Variants in ATP6V0D1 observed in about 807,000 individuals in gnomAD.
ATP6V0D1 encodes the protein ATPase H+ transporting V0 subunit d1.
ATP6V0D1 carries 13 observed loss-of-function variants against 39.0 expected under a neutral mutation model. The observed-to-expected ratio is 0.33, with a 90% CI of 0.22 to 0.53. The LOEUF is 0.53. ATP6V0D1 is among the 20% of genes least tolerant of loss of function. ATP6V0D1 has a pLI of 0.94. For synonymous variants in ATP6V0D1, 191 were observed against 191.2 expected (o/e 1.00, Z 0.01); for missense variants, 272 against 470.9 (o/e 0.58, Z 3.91).
chr16:67,440,523 G>A (rs2041037287), intron 4 of ATP6V0D1: 1 of 152,282 alleles, frequency 6.6e-6, no homozygotes, highest in Non-Finnish European at 1.5e-5. Context: ...AGAGACCCTG[G>A]CTCCACAGGC....
At chr16:67,459,079 C>CCCTCAGCCCTAGCATTA (rs1197757774) in intron 1 of ATP6V0D1, 1 of 985,628 alleles carries the variant, frequency 1.0e-6, no homozygotes, top group Non-Finnish European at 1.2e-6. Flanking sequence ...AGGCCCCGTG[C>CCCTCAGCCCTAGCATTA]CCTCAGCCCT....
At chr16:67,439,647 G>A (rs2041024346) in intron 4 of ATP6V0D1, 3 of 453,512 alleles carry the variant, frequency 6.6e-6, no homozygotes, top group Middle Eastern at 5.9e-4. Flanking sequence ...GGCTGGGCTC[G>A]CAGGGGTCCT....
At chr16:67,473,208 C>T (rs1397866161) in intron 1 of ATP6V0D1, among the ~76,000 whole-genome samples, 3 of 152,140 alleles carry the variant, frequency 2.0e-5, no homozygotes, top group South Asian at 4.1e-4. Context: ...CTTGGCCTGG[C>T]TAATTTGGGG....
intron 1 of ATP6V0D1, among the ~76,000 whole-genome samples, 170 bp downstream of exon 1, chr16:67,480,787 A>G (rs1257225133): frequency 6.6e-6 from 1 of 152,126 alleles, no homozygotes; most frequent in African/African-American, 2.4e-5. Context: ...GCCCGCGCCG[A>G]GCCACAGCTA....
intron 1 of ATP6V0D1, among the ~76,000 whole-genome samples, chr16:67,480,713 G>A (rs903030265): frequency 6.6e-6 from 1 of 152,058 alleles, no homozygotes; most frequent in African/African-American, 2.4e-5. Context: ...TGAGCACAGC[G>A]AGAGAAAAGG....
chr16:67,466,557 G>A (rs1189134096), intron 1 of ATP6V0D1, among the ~76,000 whole-genome samples: 10 of 147,266 alleles, frequency 6.8e-5, no homozygotes, highest in South Asian at 4.4e-4. Flanking sequence ...GAAGTTGGCC[G>A]GGCACGGTGG....
chr16:67,449,576 G>A (rs767041093), intron 2 of ATP6V0D1, among the ~76,000 whole-genome samples: 9 of 152,204 alleles, frequency 5.9e-5, no homozygotes, highest in South Asian at 2.1e-4. Context: ...TCAGGCTGTC[G>A]GCCCCATGCC....
At chr16:67,478,814 C>T (rs2041438771) in intron 1 of ATP6V0D1, among the ~76,000 whole-genome samples, 1 of 151,956 alleles carries the variant, frequency 6.6e-6, no homozygotes, top group Non-Finnish European at 1.5e-5. Flanking sequence ...ATAGAGGGTC[C>T]CCTGGGAAGA....
rs2041270756 is a variant in ATP6V0D1, at chr16:67,459,341, T to C, written c.131-5626A>G. 3 of 863,664 alleles carry C rather than the reference T, an allele frequency of 3.5e-6. No homozygotes were observed. In the South Asian group the frequency reaches 1.6e-4, roughly 46 times the overall value. The allele number at this position is 863,664 out of a possible 1,614,324, so 53.5% of individuals were successfully genotyped here. On this transcript the variant is annotated intron_variant, in intron 1 of 7. Transcript: ENST00000290949. Reference sequence around the variant, plus strand: ...CAGGCCGGCCCTGTCCACCCTGAGGTTGCCTGTGTCAAGGACCATTGCCCT... The same window carrying C: ...CAGGCCGGCCCTGTCCACCCTGAGGCTGCCTGTGTCAAGGACCATTGCCCT...
At chr16:67,455,665 C>T (rs540756478) in intron 1 of ATP6V0D1, 1 of 152,348 alleles carries the variant, frequency 6.6e-6, no homozygotes, top group South Asian at 2.1e-4. Flanking sequence ...TCTGTGGACC[C>T]CAATGCCTTT....
At position 67,458,552 on chromosome 16, in the gene ATP6V0D1, G is replaced by A. The variant is rs775255883; in HGVS notation, c.131-4837C>T. ...CAGTGTTCTGGCTAGCACAGACTCGGGGGACCGCTCTGGTCTACCCACAAG... is the reference window on the plus strand; with the variant it reads ...CAGTGTTCTGGCTAGCACAGACTCGAGGGACCGCTCTGGTCTACCCACAAG... On this transcript the variant is annotated intron_variant, in intron 1 of 7. Transcript: ENST00000290949. 8.5e-5 allele frequency among the ~76,000 whole-genome samples: 13 copies of A among 152,264 alleles called. 1 individual carries two copies. In the East Asian group the frequency reaches 1.4e-3, roughly 16 times the overall value.
intron 1 of ATP6V0D1, chr16:67,457,150 T>C (rs1383312931): frequency 6.3e-6 from 1 of 158,634 alleles, no homozygotes; most frequent in African/African-American, 2.4e-5. Context: ...GCAACCCAGA[T>C]CTACTCTAAC....
At chr16:67,439,247 C>A (rs2041017428) in intron 5 of ATP6V0D1, 27 bp downstream of exon 5, 1 of 1,614,066 alleles carries the variant, frequency 6.2e-7, no homozygotes, top group East Asian at 2.2e-5. Context: ...CGGGCACCAG[C>A]AGGCAGGAGG....
At chr16:67,465,007 G>A (rs375763971) in intron 1 of ATP6V0D1, among the ~76,000 whole-genome samples, 1 of 152,234 alleles carries the variant, frequency 6.6e-6, no homozygotes, top group African/African-American at 2.4e-5. Flanking sequence ...TGGACACACA[G>A]AGCAGGTGCC....
At chr16:67,465,872 A>G (rs2041324888) in intron 1 of ATP6V0D1, among the ~76,000 whole-genome samples, 1 of 152,198 alleles carries the variant, frequency 6.6e-6, no homozygotes, top group South Asian at 2.1e-4. Flanking sequence ...CCCAAGGGAC[A>G]GTGCTGGTGG....
rs2041243750 is a variant in ATP6V0D1 at position 67,456,934 on chromosome 16, C to CA, written c.131-3220dup. 1 of 152,512 alleles carries CA rather than the reference C, an allele frequency of 6.6e-6. No homozygotes were observed. Among genetic ancestry groups the CA allele is most frequent in the South Asian group, 2.1e-4 (1 of 4,842 alleles). The allele number at this position is 152,512 out of a possible 1,614,324, so 9.4% of individuals were successfully genotyped here. Reference sequence around the variant, plus strand: ...TGGGAGGCTTCCCCGAGTGAGCTGTCACCTCCTACTCAGGATCCTCATGAG... The same window carrying CA: ...TGGGAGGCTTCCCCGAGTGAGCTGTCAACCTCCTACTCAGGATCCTCATGAG... On this transcript the variant is annotated intron_variant, in intron 1 of 7. Coordinates refer to ENST00000290949, the MANE Select transcript of ATP6V0D1 (RefSeq NM_004691.5). The surrounding 1 kb of genome is among the most constrained non-coding windows in gnomAD (Gnocchi z 4.1).
rs141369856 is a variant in ATP6V0D1, at chr16:67,480,870, A to AC, written c.130+86dup. The AC allele has an allele frequency of 3.0e-4, 459 of 1,544,784 alleles. 3 individuals are homozygous for AC. In the African/African-American group the frequency reaches 3.5e-3, roughly 12 times the overall value. ...AGAGAGGCCTCTCAGGCCCTTCAAG[A>AC]CCCCCCCTTCCGGCTTCCCGGCCTA... On this transcript the variant is annotated intron_variant, in intron 1 of 7. Transcript: ENST00000290949.
chr16:67,446,464 T>TA (rs913933099), intron 2 of ATP6V0D1, among the ~76,000 whole-genome samples: 5 of 152,266 alleles, frequency 3.3e-5, no homozygotes, highest in African/African-American at 1.2e-4. Context: ...CTGAGAGCCT[T>TA]AAGCAGGGCC....
intron 1 of ATP6V0D1, among the ~76,000 whole-genome samples, chr16:67,467,714 G>C (rs770341387): frequency 2.0e-5 from 3 of 152,228 alleles, no homozygotes; most frequent in Non-Finnish European, 4.4e-5. Flanking sequence ...AAGAACTCAA[G>C]AAAGGTTCTG....
Sources: gnomAD v4.1 joint callset for allele counts (sites outside exome capture counted in the v4.1 genomes callset) on GRCh38, gnomAD v4.1.1 for gene constraint, Gnocchi (gnomAD v3.1) non-coding constraint, MANE v1.5 for transcripts, NCBI Gene and HGNC (gene_info 2026-07-23, HGNC 2026-07-21) for gene names.